LPAR1: variants seen among roughly 807,000 people sequenced by gnomAD.
LPAR1 encodes LPA receptor 1.
In LPAR1, 5 loss-of-function variants were observed where a neutral mutation model predicts 23.8. The ratio of observed to expected loss-of-function variants is 0.21; its 90% CI spans 0.11 to 0.44. LPAR1 has a LOEUF of 0.44. LPAR1 is among the 20% of genes least tolerant of loss of function. The pLI, the probability that LPAR1 is intolerant of heterozygous loss-of-function variation, is 0.99. For synonymous variants in LPAR1, 160 were observed against 164.7 expected (o/e 0.97, Z 0.22); for missense variants, 311 against 482.8 (o/e 0.64, Z 3.33).
intron 5 of LPAR1, chr9:110,934,633 G>A (rs1256187656): frequency 6.6e-6 from 1 of 152,124 alleles, no homozygotes; most frequent in Admixed American, 6.5e-5. Context: ...AGTAGTTACT[G>A]TCCTTATAAT....
At chr9:111,002,328 A>G (rs1341503649) in intron 2 of LPAR1, among the ~76,000 whole-genome samples, 2 of 152,228 alleles carry the variant, frequency 1.3e-5, no homozygotes, top group Non-Finnish European at 2.9e-5. Context: ...TTCATCTGTT[A>G]TACTTTTCTT....
intron 5 of LPAR1, among the ~76,000 whole-genome samples, chr9:110,937,313 C>G (rs767451256): frequency 6.6e-6 from 1 of 152,192 alleles, no homozygotes; most frequent in East Asian, 1.9e-4. Flanking sequence ...TAACTAAATA[C>G]AGCATGTGCT....
chr9:110,903,497 C>A (rs753689380), intron 5 of LPAR1: 9 of 151,900 alleles, frequency 5.9e-5, no homozygotes, highest in Non-Finnish European at 1.2e-4. Context: ...AAAAGTACAA[C>A]AAATATAAAC....
At chr9:110,980,928 G>C (rs2096653236) in intron 2 of LPAR1, among the ~76,000 whole-genome samples, 1 of 151,864 alleles carries the variant, frequency 6.6e-6, no homozygotes, top group Non-Finnish European at 1.5e-5. Flanking sequence ...CAATTAAAAT[G>C]AATATATTTA....
chr9:110,908,118 TTC>T (rs1284969063), intron 5 of LPAR1, among the ~76,000 whole-genome samples: 14 of 152,030 alleles, frequency 9.2e-5, no homozygotes, highest in African/African-American at 3.4e-4. Context: ...TGTTTTTCTT[TTC>T]TTTTTTTTCC....
chr9:111,019,284 C>T (rs1446531751), intron 2 of LPAR1, among the ~76,000 whole-genome samples: 1 of 152,094 alleles, frequency 6.6e-6, no homozygotes, highest in Non-Finnish European at 1.5e-5. Context: ...CATCGCAAGA[C>T]ACCTTCTCTA....
chr9:110,917,652 T>A (rs2766990), intron 5 of LPAR1, among the ~76,000 whole-genome samples: 49,861 of 152,008 alleles, frequency 0.33, 9,352 homozygotes, highest in Non-Finnish European at 0.42. Flanking sequence ...GATGCATCCA[T>A]CACAGAGCAA....
intron 5 of LPAR1, among the ~76,000 whole-genome samples, chr9:110,917,721 T>G (rs1486823114): frequency 6.6e-6 from 1 of 152,200 alleles, no homozygotes; most frequent in Non-Finnish European, 1.5e-5. Flanking sequence ...TTCTCCTGAT[T>G]TTACTTTATG....
chr9:110,956,482 T>C (rs2095756958), intron 4 of LPAR1, among the ~76,000 whole-genome samples: 1 of 147,570 alleles, frequency 6.8e-6, no homozygotes, highest in African/African-American at 2.5e-5. Context: ...TAAAATAGAC[T>C]TTAAAAGACA....
At chr9:110,912,894 C>T (rs2092636739) in intron 5 of LPAR1, among the ~76,000 whole-genome samples, 1 of 152,158 alleles carries the variant, frequency 6.6e-6, no homozygotes, top group Admixed American at 6.5e-5. Context: ...AACAGGCTGA[C>T]CTTAGCTAAA....
At chr9:110,984,075 G>A (rs958377092) in intron 2 of LPAR1, among the ~76,000 whole-genome samples, 19 of 151,922 alleles carry the variant, frequency 1.3e-4, no homozygotes, top group South Asian at 4.1e-4. Flanking sequence ...AAATGGGTAC[G>A]CATCACCTCA....
intron 5 of LPAR1, among the ~76,000 whole-genome samples, chr9:110,936,506 T>C (rs2094716919): frequency 6.6e-6 from 1 of 152,182 alleles, no homozygotes; most frequent in South Asian, 2.1e-4. Flanking sequence ...GACAAGTTAC[T>C]TAACCTATCC....
intron 2 of LPAR1, among the ~76,000 whole-genome samples, chr9:110,984,238 A>T (rs531250504): frequency 1.2e-3 from 188 of 152,104 alleles, no homozygotes; most frequent in African/African-American, 4.4e-3. Flanking sequence ...CCATTAACCA[A>T]CCCACCTTCC....
chr9:111,003,360 C>A (rs917825659), intron 2 of LPAR1, among the ~76,000 whole-genome samples: 1 of 151,982 alleles, frequency 6.6e-6, no homozygotes, highest in African/African-American at 2.4e-5. Context: ...ACACATGCAC[C>A]CTCGCATCTC....
In LPAR1 at chr9:110,941,615, G is replaced by A; in HGVS notation, c.599C>T (p.Pro200Leu). ...CDIENCSNMA[P>L]LYSDSYLVFW... The stretch of plus-strand genomic sequence containing the variant: ...GACTAAGTAAGAGTCACTGTAGAGG[G>A]GTGCCATGTTGGAACAATTTTCAAT... Residue 200 changes from proline (P) to leucine (L), a missense_variant, in exon 5 of 6, where the codon CCC becomes CTC. By Grantham distance (98) the Pro-to-Leu change is moderately conservative. Coordinates refer to ENST00000683809, the MANE Select transcript of LPAR1 (RefSeq NM_001351411.2). The surrounding 1 kb of genome is among the most constrained non-coding windows in gnomAD (Gnocchi z 6.1). 1 of 1,614,014 alleles carries A rather than the reference G, an allele frequency of 6.2e-7. No homozygotes were observed. Among genetic ancestry groups the A allele is most frequent in the Non-Finnish European group, 8.5e-7 (1 of 1,179,956 alleles).
intron 2 of LPAR1, among the ~76,000 whole-genome samples, chr9:111,011,375 C>T (rs1010648826): frequency 2.0e-5 from 3 of 152,142 alleles, no homozygotes; most frequent in Admixed American, 6.5e-5. Flanking sequence ...CTTCCAATAA[C>T]GGGAAGCTCA....
chr9:110,910,289 C>T (rs2092238365), intron 5 of LPAR1, among the ~76,000 whole-genome samples: 1 of 152,108 alleles, frequency 6.6e-6, no homozygotes, highest in Non-Finnish European at 1.5e-5. Flanking sequence ...ACTAGATCTA[C>T]TCTGCCTGTA....
intron 2 of LPAR1, among the ~76,000 whole-genome samples, chr9:111,031,774 T>A (rs1192921700): frequency 6.6e-6 from 1 of 152,150 alleles, no homozygotes; most frequent in East Asian, 1.9e-4. Context: ...TCTCTAGACT[T>A]TAAAACAGAT....
intron 5 of LPAR1, among the ~76,000 whole-genome samples, chr9:110,916,818 G>T (rs939445508): frequency 6.6e-6 from 1 of 151,268 alleles, no homozygotes; most frequent in African/African-American, 2.4e-5. Flanking sequence ...CAGCAACAAA[G>T]ATAATATTTT....
Sources: allele counts gnomAD v4.1 joint callset (sites outside exome capture counted in the v4.1 genomes callset), GRCh38; gene constraint gnomAD v4.1.1; non-coding constraint Gnocchi (gnomAD v3.1); transcripts MANE v1.5; gene names NCBI Gene and HGNC (gene_info 2026-07-23, HGNC 2026-07-21).